ARID1B: variants seen among roughly 807,000 people sequenced by gnomAD.
ARID1B encodes the protein AT-rich interaction domain 1B.
A neutral mutation model predicts 212.3 loss-of-function variants in ARID1B; 30 were observed. The observed-to-expected ratio is 0.14, with a 90% CI of 0.11 to 0.19. The LOEUF is 0.19. Ranked by LOEUF, ARID1B falls within the 10% of genes least tolerant of loss-of-function variation. ARID1B has a pLI of 1.00. For synonymous variants in ARID1B, 1,402 were observed against 1,301.7 expected (o/e 1.08, Z -1.66); for missense variants, 2,891 against 3,204.0 (o/e 0.90, Z 2.36).
At chr6:157,029,653 A>C (rs1318723926) in intron 4 of ARID1B, among the ~76,000 whole-genome samples, 1 of 152,232 alleles carries the variant, frequency 6.6e-6, no homozygotes, top group East Asian at 1.9e-4. Context: ...ATCTGGTAGC[A>C]CAGTAATTCA....
At chr6:157,000,842 C>T (rs928873995) in intron 4 of ARID1B, among the ~76,000 whole-genome samples, 11 of 151,886 alleles carry the variant, frequency 7.2e-5, no homozygotes, top group Admixed American at 5.9e-4. Flanking sequence ...TACAGGTGTG[C>T]GCCACCACGG....
In ARID1B at chr6:156,819,126, A is replaced by T. The variant is rs151235659; in HGVS notation, c.1792-10101A>T. Among the ~76,000 whole-genome samples the T allele has an allele frequency of 2.7e-3, 408 of 152,334 alleles. 1 individual carries two copies. The highest frequency in any genetic ancestry group is 4.3e-3 in the Non-Finnish European group (294 of 68,026). Reference sequence around the variant, plus strand: ...AAGTGGTGGGGTTAAAATTTGACATAGTCTCACAAAAGCTTCTTTCTCAAT... The same window carrying T: ...AAGTGGTGGGGTTAAAATTTGACATTGTCTCACAAAAGCTTCTTTCTCAAT... On this transcript the variant is annotated intron_variant, in intron 1 of 19. Coordinates refer to ENST00000636930, the MANE Select transcript of ARID1B (RefSeq NM_001374828.1).
intron 4 of ARID1B, among the ~76,000 whole-genome samples, chr6:157,052,316 C>G (rs1782662305): frequency 6.6e-6 from 1 of 152,188 alleles, no homozygotes; most frequent in Admixed American, 6.5e-5. Context: ...TAGCTTTCAA[C>G]TAGGGTATTG....
chr6:157,122,251 C>G (rs1787775241), intron 6 of ARID1B, among the ~76,000 whole-genome samples: 1 of 152,152 alleles, frequency 6.6e-6, no homozygotes, highest in African/African-American at 2.4e-5. Context: ...TTTTCCTAGA[C>G]TTACGCGAAC....
At chr6:157,093,943 C>G (rs1222744138) in intron 5 of ARID1B, among the ~76,000 whole-genome samples, 1 of 152,148 alleles carries the variant, frequency 6.6e-6, no homozygotes, top group Non-Finnish European at 1.5e-5. Flanking sequence ...TGAACATAAA[C>G]TGCAAAGGGT....
intron 4 of ARID1B, among the ~76,000 whole-genome samples, chr6:156,950,848 TTTTACCTTTGAA>T (rs1043518641): frequency 1.3e-5 from 2 of 152,168 alleles, no homozygotes; most frequent in African/African-American, 2.4e-5. Flanking sequence ...CTGTTACCAG[TTTTACCTTTGAA>T]TTTACCTACA....
At chr6:157,019,766 C>T (rs141901444) in intron 4 of ARID1B, among the ~76,000 whole-genome samples, 1 of 152,322 alleles carries the variant, frequency 6.6e-6, no homozygotes, top group South Asian at 2.1e-4. Context: ...TCTTTAGTCT[C>T]CTGCAACTTG....
chr6:157,189,260 A>G (rs909185853), intron 13 of ARID1B, among the ~76,000 whole-genome samples: 2 of 152,246 alleles, frequency 1.3e-5, no homozygotes, highest in African/African-American at 4.8e-5. Flanking sequence ...ATAAAAATGT[A>G]CATTTAGATT....
intron 6 of ARID1B, among the ~76,000 whole-genome samples, chr6:157,126,375 G>T (rs73021529): frequency 1.3e-5 from 2 of 152,070 alleles, no homozygotes; most frequent in Admixed American, 1.3e-4. Flanking sequence ...AAATCCATAG[G>T]GGGTGTGTTG....
intron 6 of ARID1B, among the ~76,000 whole-genome samples, chr6:157,115,874 C>A (rs183351745): frequency 6.6e-6 from 1 of 152,228 alleles, no homozygotes; most frequent in East Asian, 1.9e-4. Flanking sequence ...TTATTTTAAA[C>A]CTCTCTGTAG....
At chr6:156,845,878 CT>C (rs1006341146) in intron 2 of ARID1B, among the ~76,000 whole-genome samples, 29 of 152,000 alleles carry the variant, frequency 1.9e-4, no homozygotes, top group Admixed American at 1.3e-4. Flanking sequence ...ATTTTTGAAA[CT>C]TTTTTTCTAT....
Position 157,208,108 on chromosome 6 carries a change from G to GTT in ARID1B, c.*217_*218insTT. 1 of 506,116 alleles carries GTT rather than the reference G, an allele frequency of 2.0e-6. No individual in the cohort carries two copies. Among genetic ancestry groups the GTT allele is most frequent in the Non-Finnish European group, 3.0e-6 (1 of 332,162 alleles). 31.4% of individuals were successfully genotyped at this position (506,116 alleles called of 1,614,324 possible). On this transcript the variant is annotated 3_prime_UTR_variant, in exon 20 of 20. Transcript: ENST00000636930. ...CTGTGTGTATAAGTACATCCTTTGG[G>GTT]GTTTTTTTTTTCTCTTTTTTTTAAC...
In ARID1B at chr6:156,934,912, T is replaced by TTTTA. The variant is rs1313755694; in HGVS notation, c.2137-553_2137-552insTTAT. 2.6e-3 allele frequency among the ~76,000 whole-genome samples: 136 copies of TTTTA among 52,680 alleles called. 6 individuals carry two copies. The highest frequency in any genetic ancestry group is 8.0e-3 in the African/African-American group (108 of 13,570). 34.6% of individuals were successfully genotyped at this position (52,680 alleles called of 152,430 possible). A position where few individuals can be genotyped will look rare whatever the true frequency, so the allele number is the denominator to read the frequency against. The stretch of plus-strand genomic sequence containing the variant: ...GTCTCATAATAAATTTAGTTGTTAA[T>TTTTA]TATATATATATATATATATATATAT... On this transcript the variant is annotated intron_variant, in intron 3 of 19. Transcript: ENST00000636930.
intron 3 of ARID1B, among the ~76,000 whole-genome samples, chr6:156,908,734 T>C (rs1312244868): frequency 5.3e-5 from 8 of 152,204 alleles, no homozygotes; most frequent in Non-Finnish European, 4.4e-5. Flanking sequence ...AAATTTCTTG[T>C]TTTTCTAAAT....
chr6:157,065,386 C>T lies in ARID1B; in HGVS notation c.2248-19276C>T, dbSNP rs146869072. Among the ~76,000 whole-genome samples, 471 of 152,116 alleles carry T rather than the reference C, an allele frequency of 3.1e-3. 1 individual carries two copies. Among genetic ancestry groups the T allele is most frequent in the African/African-American group, 0.011 (437 of 41,474 alleles). ...TTCCATATGTGTATGCCTGTGAATT[C>T]GTTAATATAAATGATGATGATATTG... is the stretch of plus-strand genomic sequence containing the variant. On this transcript the variant is annotated intron_variant, in intron 4 of 19. Coordinates refer to ENST00000636930, the MANE Select transcript of ARID1B (RefSeq NM_001374828.1).
Position 156,778,142 on chromosome 6 carries a change from C to A in ARID1B, c.462C>A (p.Thr154=), listed in dbSNP as rs1235239550. The A allele has an allele frequency of 1.3e-6, 2 of 1,539,968 alleles. No individual in the cohort carries two copies. Among genetic ancestry groups the A allele is most frequent in the Admixed American group, 2.0e-5 (1 of 50,940 alleles). The change falls in exon 1 of 20, where the codon ACC becomes ACA. Residue 154 remains threonine (T), a synonymous_variant. Transcript: ENST00000636930. ...TGLLPNHKLK[T]VGEAPAAPPH... is the part of the protein sequence containing the mutation. ...TGCTCCCCAACCACAAACTGAAAAC[C>A]GTTGGCGAAGCCCCCGCCGCGCCGC...
In ARID1B at chr6:156,877,296, A is replaced by G. The variant is rs76482070; in HGVS notation, c.1987-24080A>G. Among the ~76,000 whole-genome samples the G allele has an allele frequency of 1.7e-3, 253 of 152,106 alleles. 9 individuals are homozygous for G. The South Asian group carries it at 0.032, about 19-fold the overall frequency. ...GACTCCTGTCTTCCTGTTCACCCCTATTGCTCTCAGCTCTCCAGCCTGGAT... is the reference window on the plus strand; with the variant it reads ...GACTCCTGTCTTCCTGTTCACCCCTGTTGCTCTCAGCTCTCCAGCCTGGAT... On this transcript the variant is annotated intron_variant, in intron 2 of 19. Transcript: ENST00000636930.
At chr6:157,199,998 A>G (rs1376024691) in intron 17 of ARID1B, among the ~76,000 whole-genome samples, 2 of 152,170 alleles carry the variant, frequency 1.3e-5, no homozygotes, top group African/African-American at 4.8e-5. Context: ...AACTGATCTT[A>G]AACAGTTTTC....
At chr6:156,913,521 T>G (rs1790081443) in intron 3 of ARID1B, among the ~76,000 whole-genome samples, 1 of 152,146 alleles carries the variant, frequency 6.6e-6, no homozygotes, top group Non-Finnish European at 1.5e-5. Flanking sequence ...CTGGCAACAT[T>G]TTTCAAGAAT....
Sources: allele counts gnomAD v4.1 joint callset (sites outside exome capture counted in the v4.1 genomes callset), GRCh38; gene constraint gnomAD v4.1.1; transcripts MANE v1.5; gene names NCBI Gene and HGNC (gene_info 2026-07-23, HGNC 2026-07-21).